The following PCDHGA5 variants were observed in gnomAD, a reference collection of about 807,000 sequenced individuals.
The protein encoded by PCDHGA5 is protocadherin gamma-A5.
PCDHGA5 carries 36 observed loss-of-function variants against 56.7 expected under a neutral mutation model. That is an observed-to-expected ratio of 0.64 (90% confidence interval 0.49 to 0.84). The LOEUF is 0.84. Ranked by LOEUF, PCDHGA5 falls within the 40% of genes least tolerant of loss-of-function variation. The pLI, the probability that PCDHGA5 is intolerant of heterozygous loss-of-function variation, is 0.00. For missense variants in PCDHGA5, 1,305 were observed against 1,201.5 expected (o/e 1.09, Z -1.27); for synonymous variants, 563 against 520.2 (o/e 1.08, Z -1.12).
In PCDHGA5 at chr5:141,486,610, C is replaced by G; in HGVS notation, c.2422-8197C>G. 6.2e-7 allele frequency: 1 copy of G among 1,613,620 alleles called. No homozygotes were observed. The highest frequency in any genetic ancestry group is 8.5e-7 in the Non-Finnish European group (1 of 1,180,038). On this transcript the variant is annotated intron_variant, in intron 1 of 3. Coordinates refer to ENST00000518069, the MANE Select transcript of PCDHGA5 (RefSeq NM_018918.3). This position sits in a 1 kb window ranked among gnomAD's most constrained non-coding sequence, Gnocchi z 5.0. ...GGGACCTGCTTTGCTCCCTTGCAGC[C>G]TCTGACCCAGACTCTGGCTTGAATG...
intron 1 of PCDHGA5, among the ~76,000 whole-genome samples, chr5:141,456,866 G>A (rs2098893781): frequency 6.6e-6 from 1 of 152,170 alleles, no homozygotes; most frequent in African/African-American, 2.4e-5. Flanking sequence ...GGGAGGCTGA[G>A]GCAGGAGAAT....
intron 1 of PCDHGA5, chr5:141,399,475 C>G: frequency 1.2e-6 from 2 of 1,614,022 alleles, no homozygotes; most frequent in Non-Finnish European, 1.7e-6. Context: ...GGTTTTCCAC[C>G]AGGCGTCCTA....
At chr5:141,370,622 C>G in intron 1 of PCDHGA5, 1 of 1,613,902 alleles carries the variant, frequency 6.2e-7, no homozygotes, top group South Asian at 1.1e-5. Context: ...AATTCTTTAC[C>G]GTGAGCCCCG....
chr5:141,478,415 C>G (rs182700706), intron 1 of PCDHGA5: 5 of 1,613,648 alleles, frequency 3.1e-6, no homozygotes, highest in Non-Finnish European at 4.2e-6. Context: ...CACGGACTCC[C>G]GCCGCAGCGA....
chr5:141,370,583 T>C lies in PCDHGA5; in HGVS notation c.2421+3832T>C, dbSNP rs376045764. 30 of 1,613,706 alleles carry C rather than the reference T, an allele frequency of 1.9e-5. No individual in the cohort carries two copies. In the African/African-American group the frequency reaches 3.6e-4, roughly 19 times the overall value. Reference sequence around the variant, plus strand: ...GGTTTGGCGTGGGGGATTTACCTACTAGGAACCTGCGGGTTATTGCAGAGA... The same window carrying C: ...GGTTTGGCGTGGGGGATTTACCTACCAGGAACCTGCGGGTTATTGCAGAGA... On this transcript the variant is annotated intron_variant, in intron 1 of 3. Coordinates refer to ENST00000518069, the MANE Select transcript of PCDHGA5 (RefSeq NM_018918.3).
intron 1 of PCDHGA5, chr5:141,413,279 TCTC>T (rs759727755): frequency 2.4e-5 from 39 of 1,613,826 alleles, no homozygotes; most frequent in Non-Finnish European, 3.1e-5. Flanking sequence ...GCCCGGCAGA[TCTC>T]CTACTCAATT....
At chr5:141,498,520 A>T (rs1178141390) in intron 2 of PCDHGA5, among the ~76,000 whole-genome samples, 1 of 149,264 alleles carries the variant, frequency 6.7e-6, no homozygotes, top group Non-Finnish European at 1.5e-5. Flanking sequence ...CATCTTGCCC[A>T]CTGCCCTCCA....
intron 1 of PCDHGA5, chr5:141,415,748 T>A: frequency 9.9e-7 from 1 of 1,008,964 alleles, no homozygotes; most frequent in Non-Finnish European, 1.2e-6. Context: ...AGGTTTTTTT[T>A]TTTTTTTTTT....
Position 141,512,910 on chromosome 5 carries a change from T to C in PCDHGA5, c.*1737T>C, listed in dbSNP as rs2099884499. On this transcript the variant is annotated 3_prime_UTR_variant, in exon 4 of 4. Transcript: ENST00000518069. Reference sequence around the variant, plus strand: ...CTCTTCCTGTGTCTCACGCAAGTTTTATACTCTAATATTTATATGGCTTTT... The same window carrying C: ...CTCTTCCTGTGTCTCACGCAAGTTTCATACTCTAATATTTATATGGCTTTT... 1 of 152,274 alleles carries C rather than the reference T, an allele frequency of 6.6e-6. No homozygotes were observed. The highest frequency in any genetic ancestry group is 2.1e-4 in the South Asian group (1 of 4,836). 9.4% of individuals were successfully genotyped at this position (152,274 alleles called of 1,614,324 possible). A position where few individuals can be genotyped will look rare whatever the true frequency, so the allele number is the denominator to read the frequency against.
At position 141,477,004 on chromosome 5, in the gene PCDHGA5, C is replaced by T. The variant is rs1390668803; in HGVS notation, c.2422-17803C>T. On this transcript the variant is annotated intron_variant, in intron 1 of 3. Coordinates refer to ENST00000518069, the MANE Select transcript of PCDHGA5 (RefSeq NM_018918.3). The surrounding 1 kb of genome is among the most constrained non-coding windows in gnomAD (Gnocchi z 4.9). ...GCGCCGGCGTGCGGCAACTATTCGC[C>T]TTAGACCTTGTAACCGGGATGCTGA... is the stretch of plus-strand genomic sequence containing the variant. 3 of 1,614,236 alleles carry T rather than the reference C, an allele frequency of 1.9e-6. No homozygotes were observed. The highest frequency in any genetic ancestry group is 2.5e-6 in the Non-Finnish European group (3 of 1,180,042).
chr5:141,405,407 C>CT lies in PCDHGA5; in HGVS notation c.2421+38663dup, dbSNP rs762612492. 13 of 1,582,050 alleles carry CT rather than the reference C, an allele frequency of 8.2e-6. No individual in the cohort carries two copies. In the East Asian group the frequency reaches 1.6e-4, roughly 19 times the overall value. On this transcript the variant is annotated intron_variant, in intron 1 of 3. Transcript: ENST00000518069. Reference sequence around the variant, plus strand: ...TTCATTTTTTTTCTTTCTTTCTTTTCTTTTTTTGTTTTTTGTTTTGTTTTG... The same window carrying CT: ...TTCATTTTTTTTCTTTCTTTCTTTTCTTTTTTTTGTTTTTTGTTTTGTTTTG...
chr5:141,496,980 G>T (rs186715298), intron 2 of PCDHGA5, among the ~76,000 whole-genome samples: 1 of 151,974 alleles, frequency 6.6e-6, no homozygotes, highest in Admixed American at 6.6e-5. Flanking sequence ...GAGGTCAGGG[G>T]TTTGAGACCA....
chr5:141,421,457 C>T (rs377073702), intron 1 of PCDHGA5: 9 of 1,614,014 alleles, frequency 5.6e-6, no homozygotes, highest in African/African-American at 2.7e-5. Flanking sequence ...CAGCTTTTCG[C>T]TGTGAATCCG....
Position 141,491,504 on chromosome 5 carries a change from G to T in PCDHGA5, c.2422-3303G>T. 6.2e-7 allele frequency: 1 copy of T among 1,614,048 alleles called. No homozygotes were observed. The highest frequency in any genetic ancestry group is 2.2e-5 in the East Asian group (1 of 44,876). Reference sequence around the variant, plus strand: ...CCCAACCTGCAGGTGAGCTCGGACGGCACGCTCAAGTACATGGAGGTGACG... The same window carrying T: ...CCCAACCTGCAGGTGAGCTCGGACGTCACGCTCAAGTACATGGAGGTGACG... On this transcript the variant is annotated intron_variant, in intron 1 of 3. Transcript: ENST00000518069. The surrounding 1 kb of genome is among the most constrained non-coding windows in gnomAD (Gnocchi z 6.9).
rs1048686904 is a variant in PCDHGA5, at chr5:141,410,286, C to T, written c.2421+43535C>T. 3.7e-6 allele frequency: 6 copies of T among 1,613,916 alleles called. No homozygotes were observed. The African/African-American group carries it at 6.7e-5, about 18-fold the overall frequency. On this transcript the variant is annotated intron_variant, in intron 1 of 3. Transcript: ENST00000518069. Reference sequence around the variant, plus strand: ...GAACTGCAGTTTTACCTGGTGGTGGCCTTGGCCTTAATCTCAGTGCTCTTC... The same window carrying T: ...GAACTGCAGTTTTACCTGGTGGTGGTCTTGGCCTTAATCTCAGTGCTCTTC...
intron 1 of PCDHGA5, among the ~76,000 whole-genome samples, chr5:141,492,438 G>C (rs2099740636): frequency 6.6e-6 from 1 of 152,236 alleles, no homozygotes; most frequent in Non-Finnish European, 1.5e-5. Flanking sequence ...AGGAGTACTC[G>C]TAGCTGATTG....
intron 1 of PCDHGA5, chr5:141,417,739 C>T: frequency 6.4e-6 from 9 of 1,411,706 alleles, no homozygotes; most frequent in Non-Finnish European, 5.6e-6. Flanking sequence ...GCCCAGCACA[C>T]CAGATTGCCA....
At chr5:141,414,811 C>T in intron 1 of PCDHGA5, 3 of 1,614,254 alleles carry the variant, frequency 1.9e-6, no homozygotes, top group Non-Finnish European at 2.5e-6. Context: ...GGATCCTCCA[C>T]TCAGCAGCAA....
Position 141,426,411 on chromosome 5 carries a change from C to A in PCDHGA5, c.2421+59660C>A, listed in dbSNP as rs1561821998. 10 of 286,096 alleles carry A rather than the reference C, an allele frequency of 3.5e-5. No homozygotes were observed. In the South Asian group the frequency reaches 3.7e-4, roughly 11 times the overall value. The allele number at this position is 286,096 out of a possible 1,614,324, so 17.7% of individuals were successfully genotyped here. On this transcript the variant is annotated intron_variant, in intron 1 of 3. Coordinates refer to ENST00000518069, the MANE Select transcript of PCDHGA5 (RefSeq NM_018918.3). ...GCTACTCTATTCCAGAAGAAACGGT[C>A]CAGGGCTCCGTGGTGGGGAACCTTG... is the stretch of plus-strand genomic sequence containing the variant.
Sources: allele counts gnomAD v4.1 joint callset (sites outside exome capture counted in the v4.1 genomes callset), GRCh38; gene constraint gnomAD v4.1.1; non-coding constraint Gnocchi (gnomAD v3.1); transcripts MANE v1.5; gene names NCBI Gene and HGNC (gene_info 2026-07-23, HGNC 2026-07-21).